The following KCNG2 variants were observed in gnomAD, a reference collection of about 807,000 sequenced individuals.
KCNG2 encodes potassium voltage-gated channel modifier subfamily G member 2.
KCNG2 carries 7 observed loss-of-function variants against 12.3 expected under a neutral mutation model. The observed-to-expected ratio is 0.57, with a 90% confidence interval of 0.32 to 1.07. The LOEUF is 1.07. Ranked by LOEUF, KCNG2 falls within the 50% of genes least tolerant of loss-of-function variation. KCNG2 has a pLI of 0.04. For missense variants in KCNG2, 703 were observed against 726.0 expected, an observed-to-expected ratio of 0.97 and a Z score of 0.36; for synonymous variants, 414 against 351.4, an observed-to-expected ratio of 1.18 and a Z score of -1.99.
rs1010727594 is a variant in KCNG2 at position 79,822,085 on chromosome 18, C to G, written c.-115+24071C>G. Among the ~76,000 whole-genome samples, 1 of 152,192 alleles carries G rather than the reference C, an allele frequency of 6.6e-6. No individual in the cohort carries two copies. Among genetic ancestry groups the G allele is most frequent in the East Asian group, 1.9e-4 (1 of 5,192 alleles). On this transcript the variant is annotated intron_variant, in intron 1 of 3. Transcript: ENST00000316249. This position sits in a 1 kb window ranked among gnomAD's most constrained non-coding sequence, Gnocchi z 4.4. ...ATGTGAAGGCTTCAGTAAAACTTGTCAAATTCAGACTCAAGGTGCCTTTTG... is the reference window on the plus strand; with the variant it reads ...ATGTGAAGGCTTCAGTAAAACTTGTGAAATTCAGACTCAAGGTGCCTTTTG...
chr18:79,827,579 C>T (rs1355998942), intron 1 of KCNG2, among the ~76,000 whole-genome samples: 15 of 152,226 alleles, frequency 9.9e-5, no homozygotes, highest in Non-Finnish European at 1.5e-4. Context: ...CCTGGAGTCC[C>T]AGTGTCTGAG....
intron 1 of KCNG2, among the ~76,000 whole-genome samples, chr18:79,832,056 G>A (rs1174608695): frequency 4.6e-5 from 7 of 152,184 alleles, no homozygotes; most frequent in Admixed American, 2.6e-4. Flanking sequence ...GGGCAGAGCA[G>A]GTGTCTGTGG....
intron 3 of KCNG2, among the ~76,000 whole-genome samples, chr18:79,865,418 AAGGTCTGGGTGCTGAG>A (rs1979448344): frequency 1.9e-5 from 1 of 51,306 alleles, no homozygotes; most frequent in Non-Finnish European, 3.5e-5. Flanking sequence ...TGGGTGCTGA[AAGGTCTGGGTGCTGAG>A]AGGTCTGGGT....
intron 1 of KCNG2, among the ~76,000 whole-genome samples, chr18:79,799,931 C>G (rs1232713321): frequency 1.3e-5 from 2 of 152,162 alleles, no homozygotes; most frequent in Non-Finnish European, 2.9e-5. Flanking sequence ...ACAGGCCGGT[C>G]AGAAACGATA....
At chr18:79,853,766 G>A (rs1044508516) in intron 1 of KCNG2, among the ~76,000 whole-genome samples, 1 of 152,238 alleles carries the variant, frequency 6.6e-6, no homozygotes, top group Non-Finnish European at 1.5e-5. Flanking sequence ...CAGGCCCAAA[G>A]CCTCAACATC....
intron 3 of KCNG2, among the ~76,000 whole-genome samples, chr18:79,870,037 C>G (rs1979768886): frequency 6.6e-6 from 1 of 152,246 alleles, no homozygotes; most frequent in Non-Finnish European, 1.5e-5. Context: ...CTCTGGGCCC[C>G]CAGCCACCTG....
At chr18:79,877,064 G>A (rs1338467106) in intron 3 of KCNG2, among the ~76,000 whole-genome samples, 1 of 152,214 alleles carries the variant, frequency 6.6e-6, no homozygotes, top group African/African-American at 2.4e-5. Flanking sequence ...GGCCTGTTGT[G>A]CTGTTTTGAA....
intron 1 of KCNG2, among the ~76,000 whole-genome samples, chr18:79,812,058 A>G (rs186321199): frequency 4.6e-5 from 7 of 152,304 alleles, no homozygotes; most frequent in Middle Eastern, 6.8e-3. Context: ...ATTTGAAGAA[A>G]GAATGCCCCC....
chr18:79,867,799 G>A (rs1331000276), intron 3 of KCNG2, among the ~76,000 whole-genome samples: 2 of 152,086 alleles, frequency 1.3e-5, no homozygotes, highest in African/African-American at 2.4e-5. Context: ...CCTCGGCACC[G>A]GCCTCCCTGG....
At chr18:79,869,149 C>T (rs1428687925) in intron 3 of KCNG2, among the ~76,000 whole-genome samples, 1 of 152,144 alleles carries the variant, frequency 6.6e-6, no homozygotes, top group Non-Finnish European at 1.5e-5. Context: ...GACAGCCTCC[C>T]GGGTCTCCTG....
chr18:79,832,449 A>G (rs565141661), intron 1 of KCNG2, among the ~76,000 whole-genome samples: 86 of 131,082 alleles, frequency 6.6e-4, no homozygotes, highest in Middle Eastern at 5.5e-3. Flanking sequence ...TTACCTGCTC[A>G]TCCTCACCTG....
chr18:79,814,371 C>T (rs541044273), intron 1 of KCNG2, among the ~76,000 whole-genome samples: 8 of 152,284 alleles, frequency 5.3e-5, no homozygotes, highest in East Asian at 3.9e-4. Flanking sequence ...GGTGATAGTT[C>T]GACGATCACA....
chr18:79,885,255 AGAGGGCGGTG>A (rs1436102491), intron 3 of KCNG2, among the ~76,000 whole-genome samples: 1 of 152,162 alleles, frequency 6.6e-6, no homozygotes, highest in African/African-American at 2.4e-5. Flanking sequence ...CAAACAATCT[AGAGGGCGGTG>A]GCTGTGCGGG....
chr18:79,855,533 C>T (rs1002138585), intron 1 of KCNG2, among the ~76,000 whole-genome samples: 2 of 152,108 alleles, frequency 1.3e-5, no homozygotes, highest in Non-Finnish European at 2.9e-5. Context: ...GTGATCATGT[C>T]TTGGCTGTAT....
intron 1 of KCNG2, among the ~76,000 whole-genome samples, chr18:79,843,270 A>T (rs7242867): frequency 0.23 from 34,472 of 152,116 alleles, 4,269 homozygotes; most frequent in African/African-American, 0.33. Flanking sequence ...TCCAGAAATT[A>T]AGGAGTGATA....
intron 1 of KCNG2, among the ~76,000 whole-genome samples, chr18:79,842,654 A>G (rs538158773): frequency 1.5e-4 from 23 of 152,352 alleles, no homozygotes; most frequent in Non-Finnish European, 2.9e-4. Flanking sequence ...GAAGTTCAAC[A>G]ACAAAGAGAT....
intron 1 of KCNG2, among the ~76,000 whole-genome samples, chr18:79,848,345 T>C (rs1978694209): frequency 6.6e-6 from 1 of 152,196 alleles, no homozygotes; most frequent in Admixed American, 6.5e-5. Flanking sequence ...GAGTCCCAAG[T>C]ACAGAGTAGG....
chr18:79,839,984 A>G (rs878914834), intron 1 of KCNG2, among the ~76,000 whole-genome samples: 1 of 152,252 alleles, frequency 6.6e-6, no homozygotes, highest in Non-Finnish European at 1.5e-5. Context: ...CTTGATAAAG[A>G]GTATCTACAA....
At chr18:79,824,036 T>C (rs1255641689) in intron 1 of KCNG2, among the ~76,000 whole-genome samples, 1 of 152,202 alleles carries the variant, frequency 6.6e-6, no homozygotes, top group African/African-American at 2.4e-5. Flanking sequence ...AAGATCTCAC[T>C]CTGTCACCCA....
Sources: allele counts gnomAD v4.1 joint callset (sites outside exome capture counted in the v4.1 genomes callset), GRCh38; gene constraint gnomAD v4.1.1; non-coding constraint Gnocchi (gnomAD v3.1); transcripts MANE v1.5; gene names NCBI Gene and HGNC (gene_info 2026-07-23, HGNC 2026-07-21).